The following PCNP variants were observed in gnomAD, a reference collection of about 807,000 sequenced individuals.
PCNP encodes the protein PEST proteolytic signal containing nuclear protein.
PCNP carries 6 observed loss-of-function variants against 21.8 expected under a neutral mutation model. That is an observed-to-expected ratio of 0.28 (90% CI 0.15 to 0.54). PCNP has a LOEUF of 0.54. Among genes scored for constraint, PCNP ranks in the 20% least tolerant of loss-of-function variants. PCNP has a pLI of 0.95. For synonymous variants in PCNP, 67 were observed against 73.2 expected, an observed-to-expected ratio of 0.92 and a Z score of 0.43; for missense variants, 161 against 215.5, an observed-to-expected ratio of 0.75 and a Z score of 1.58.
At chr3:101,581,831 CTG>C (rs1429488616) in intron 2 of PCNP, among the ~76,000 whole-genome samples, 1 of 152,026 alleles carries the variant, frequency 6.6e-6, no homozygotes, top group Non-Finnish European at 1.5e-5. Flanking sequence ...ACCTCTGACT[CTG>C]GGGTTCAAGT....
chr3:101,577,936 GTTAA>G (rs1935014861), intron 1 of PCNP, among the ~76,000 whole-genome samples: 1 of 152,150 alleles, frequency 6.6e-6, no homozygotes, highest in African/African-American at 2.4e-5. Context: ...TTGATTTCAT[GTTAA>G]TTACATATTT....
chr3:101,585,533 T>A, intron 3 of PCNP, 22 bp downstream of exon 3: 1 of 1,501,024 alleles, frequency 6.7e-7, no homozygotes, highest in East Asian at 2.3e-5. Flanking sequence ...TCGAGTTTTG[T>A]TTTTTTACTT....
chr3:101,583,463 C>G (rs1163149553), intron 2 of PCNP, among the ~76,000 whole-genome samples: 2 of 151,804 alleles, frequency 1.3e-5, no homozygotes, highest in Non-Finnish European at 2.9e-5. Context: ...TCAAAAATAA[C>G]AAATGAGCCG....
intron 1 of PCNP, among the ~76,000 whole-genome samples, chr3:101,574,640 C>T (rs1934759617): frequency 6.6e-6 from 1 of 152,232 alleles, no homozygotes; most frequent in African/African-American, 2.4e-5. Flanking sequence ...ACAAAACACA[C>T]ACACCGGAGA....
intron 3 of PCNP, among the ~76,000 whole-genome samples, chr3:101,585,789 A>G (rs1041702814): frequency 6.6e-6 from 1 of 152,208 alleles, no homozygotes. Context: ...TAGGATCCAA[A>G]AAAAGAAAAA....
At chr3:101,576,141 A>G (rs552880547) in intron 1 of PCNP, among the ~76,000 whole-genome samples, 1 of 151,958 alleles carries the variant, frequency 6.6e-6, no homozygotes, top group South Asian at 2.1e-4. Flanking sequence ...AACACTGTCA[A>G]GTTTGTCTTA....
rs879603359 is a variant in PCNP at position 101,574,233 on chromosome 3, G to A, written c.18G>A (p.Ala6=). The change falls in exon 1 of 5, where the codon GCG becomes GCA. Residue 6 remains alanine (A), a synonymous_variant. Transcript: ENST00000265260. Reference sequence around the variant, plus strand: ...CGGGGAAAATGGCGGACGGGAAGGCGGGAGACGAGAAGCCTGAAAAGTCGC... The same window carrying A: ...CGGGGAAAATGGCGGACGGGAAGGCAGGAGACGAGAAGCCTGAAAAGTCGC... MADGK[A]GDEKPEKSQR... is the part of the protein sequence containing the mutation. The A allele has an allele frequency of 2.7e-5, 42 of 1,549,540 alleles. No homozygotes were observed. Among genetic ancestry groups the A allele is most frequent in the Admixed American group, 7.9e-5 (4 of 50,768 alleles).
Position 101,590,273 on chromosome 3 carries a change from AT to A in PCNP, c.410+5del. On this transcript the variant is annotated splice_donor_region_variant and intron_variant, in intron 4 of 4. Coordinates refer to ENST00000265260, the MANE Select transcript of PCNP (RefSeq NM_020357.3). ...ATGAGGATGAAGAATATTGGAAGGT[AT>A]TATAATTTTTCATAAATATTATAGA... 6.8e-7 allele frequency: 1 copy of A among 1,463,898 alleles called. No homozygotes were observed. Among genetic ancestry groups the A allele is most frequent in the Non-Finnish European group, 9.6e-7 (1 of 1,047,016 alleles). The allele number at this position is 1,463,898 out of a possible 1,614,324, so 90.7% of individuals were successfully genotyped here.
At position 101,592,745 on chromosome 3, in the gene PCNP, G is replaced by C; in HGVS notation, c.529G>C (p.Asp177His). The change falls in exon 5 of 5, where the codon GAC becomes CAC. Residue 177 changes from aspartate to histidine, a missense_variant. By Grantham distance (81) the Asp-to-His change is moderately conservative. Coordinates refer to ENST00000265260, the MANE Select transcript of PCNP (RefSeq NM_020357.3). ...TCATCTTGGAAATGTCCATGACCAA[G>C]ACAATTAAATGATGTTTTGAAATTG... ...KSHLGNVHDQ[D>H]N is the part of the protein sequence containing the mutation. The C allele has an allele frequency of 1.2e-6, 2 of 1,612,114 alleles. No individual in the cohort carries two copies. The highest frequency in any genetic ancestry group is 1.7e-6 in the Non-Finnish European group (2 of 1,179,146).
intron 2 of PCNP, among the ~76,000 whole-genome samples, chr3:101,582,895 G>A (rs1321576899): frequency 6.6e-6 from 1 of 152,214 alleles, no homozygotes; most frequent in Non-Finnish European, 1.5e-5. Context: ...GAAATGTAGG[G>A]ATAAACAGCC....
intron 1 of PCNP, chr3:101,576,744 G>A: frequency 5.6e-6 from 9 of 1,611,528 alleles, no homozygotes; most frequent in Non-Finnish European, 7.6e-6. Flanking sequence ...GCATAACGGT[G>A]ATCACACGTT....
chr3:101,585,107 A>AT (rs1238132300), intron 2 of PCNP, among the ~76,000 whole-genome samples: 1 of 152,208 alleles, frequency 6.6e-6, no homozygotes, highest in Non-Finnish European at 1.5e-5. Context: ...GGCACATTGT[A>AT]TTTAATGTTA....
In PCNP at chr3:101,581,897, C is replaced by G. The variant is rs189544356; in HGVS notation, c.279+1893C>G. Among the ~76,000 whole-genome samples the G allele has an allele frequency of 9.1e-3, 1,380 of 151,746 alleles. 20 individuals carry two copies. Among genetic ancestry groups the G allele is most frequent in the African/African-American group, 0.031 (1,299 of 41,352 alleles). ...CTGGGGTTACAGGCATGCACCACCA[C>G]GCCTGGCTAATTTTGTATTTTTAGT... On this transcript the variant is annotated intron_variant, in intron 2 of 4. Transcript: ENST00000265260.
At chr3:101,578,216 G>A (rs1935035392) in intron 1 of PCNP, among the ~76,000 whole-genome samples, 1 of 152,152 alleles carries the variant, frequency 6.6e-6, no homozygotes, top group Admixed American at 6.5e-5. Context: ...TCAGTCACAG[G>A]AAAGTAGTTA....
chr3:101,575,476 G>A (rs1409190395), intron 1 of PCNP, among the ~76,000 whole-genome samples: 2 of 145,242 alleles, frequency 1.4e-5, no homozygotes, highest in African/African-American at 5.3e-5. Flanking sequence ...CCCACCCCCT[G>A]TCTTTTTTTT....
intron 1 of PCNP, among the ~76,000 whole-genome samples, chr3:101,578,520 A>G (rs1200987492): frequency 2.6e-5 from 4 of 152,250 alleles, no homozygotes; most frequent in Non-Finnish European, 5.9e-5. Flanking sequence ...ATCCCAAAAC[A>G]TAATCCTGCT....
intron 1 of PCNP, 49 bp from the exon 2 acceptor site, chr3:101,579,741 C>A: frequency 2.3e-6 from 3 of 1,301,324 alleles, no homozygotes; most frequent in Non-Finnish European, 3.4e-6. Context: ...TCCCATCAAT[C>A]TGCTCAGTAA....
intron 3 of PCNP, among the ~76,000 whole-genome samples, chr3:101,589,379 A>G (rs868786630): frequency 1.3e-5 from 2 of 151,072 alleles, no homozygotes; most frequent in African/African-American, 4.9e-5. Context: ...TTCAACACCT[A>G]TAAGTATAGA....
intron 1 of PCNP, chr3:101,576,409 A>G (rs878944570): frequency 8.5e-7 from 1 of 1,175,740 alleles, no homozygotes; most frequent in South Asian, 1.7e-5. Context: ...TAATTTTTGT[A>G]TTTTTATTTT....
Sources: allele counts gnomAD v4.1 joint callset (sites outside exome capture counted in the v4.1 genomes callset), GRCh38; gene constraint gnomAD v4.1.1; transcripts MANE v1.5; gene names NCBI Gene and HGNC (gene_info 2026-07-23, HGNC 2026-07-21).